The following COLGALT2 variants were observed in gnomAD, a reference collection of about 807,000 sequenced individuals.
The protein encoded by COLGALT2 is procollagen galactosyltransferase 2.
In COLGALT2, 49 loss-of-function variants were observed where a neutral mutation model predicts 73.4. The observed-to-expected ratio is 0.67, with a 90% confidence interval of 0.53 to 0.85. The LOEUF (loss-of-function observed/expected upper bound fraction) is 0.85, where lower values mean the gene tolerates loss of function less well. COLGALT2 is among the 40% of genes least tolerant of loss of function. The probability of loss-of-function intolerance (pLI) is 0.00; values close to 1 mark genes in which losing one functional copy is unlikely to be tolerated. For missense variants in COLGALT2, 722 were observed against 790.2 expected, an observed-to-expected ratio of 0.91 and a Z score of 1.03; for synonymous variants, 295 against 307.6, an observed-to-expected ratio of 0.96 and a Z score of 0.43.
chr1:184,014,641 T>C (rs1156752988), intron 1 of COLGALT2, among the ~76,000 whole-genome samples: 1 of 152,158 alleles, frequency 6.6e-6, no homozygotes, highest in Non-Finnish European at 1.5e-5. Context: ...CAACAAGTAA[T>C]AAATAAATAT....
At chr1:184,029,793 C>T (rs1047275762) in intron 1 of COLGALT2, among the ~76,000 whole-genome samples, 4 of 152,146 alleles carry the variant, frequency 2.6e-5, no homozygotes, top group Admixed American at 6.6e-5. Flanking sequence ...CTTCAGAGTA[C>T]CTGCCTGGAA....
At position 184,037,360 on chromosome 1, in the gene COLGALT2, TC is replaced by T; in HGVS notation, c.-4del. On this transcript the variant is annotated 5_prime_UTR_variant, in exon 1 of 12. Coordinates refer to ENST00000361927, the MANE Select transcript of COLGALT2 (RefSeq NM_015101.4). The stretch of plus-strand genomic sequence containing the variant: ...GTGGCAGCAGGGCGCGCAGCCATGT[TC>T]CGGGCCGAGGCGGGCGGCGGGGAAG... 1 of 1,430,448 alleles carries T rather than the reference TC, an allele frequency of 7.0e-7. No homozygotes were observed. Among genetic ancestry groups the T allele is most frequent in the Non-Finnish European group, 9.2e-7 (1 of 1,089,538 alleles). 88.6% of individuals were successfully genotyped at this position (1,430,448 alleles called of 1,614,324 possible).
At chr1:183,945,363 C>G in intron 9 of COLGALT2, 69 bp downstream of exon 9, 1 of 1,559,538 alleles carries the variant, frequency 6.4e-7, no homozygotes, top group Middle Eastern at 1.7e-4. Flanking sequence ...CTGGCCCTAA[C>G]TCACCTACGA....
intron 11 of COLGALT2, among the ~76,000 whole-genome samples, chr1:183,939,757 C>G (rs1031254783): frequency 6.6e-6 from 1 of 152,174 alleles, no homozygotes; most frequent in African/African-American, 2.4e-5. Flanking sequence ...ATGAGACCAT[C>G]TAGTGACGAG....
chr1:183,952,588 C>G (rs970260210), intron 7 of COLGALT2, among the ~76,000 whole-genome samples: 7 of 152,170 alleles, frequency 4.6e-5, no homozygotes, highest in African/African-American at 1.7e-4. Context: ...ATATGTTTCA[C>G]TGGAATTAAA....
intron 4 of COLGALT2, among the ~76,000 whole-genome samples, chr1:183,972,911 G>A (rs764494578): frequency 6.6e-6 from 1 of 152,138 alleles, no homozygotes; most frequent in Admixed American, 6.5e-5. Context: ...ATGTTAGCCA[G>A]GATGGTCTCA....
chr1:183,995,418 A>G (rs552461021), intron 1 of COLGALT2, among the ~76,000 whole-genome samples: 58 of 152,374 alleles, frequency 3.8e-4, no homozygotes, highest in African/African-American at 1.2e-3. Flanking sequence ...AGTGGAATAC[A>G]ACAAACGTGT....
chr1:183,934,495 C>A (rs75887079), downstream of COLGALT2, among the ~76,000 whole-genome samples: 4 of 152,174 alleles, frequency 2.6e-5, no homozygotes, highest in Admixed American at 6.5e-5. Context: ...ATCATGTGGG[C>A]GTGACATTTC....
At chr1:183,974,913 G>A (rs1227560798) in intron 3 of COLGALT2, among the ~76,000 whole-genome samples, 184 bp downstream of exon 3, 1 of 152,198 alleles carries the variant, frequency 6.6e-6, no homozygotes, top group Non-Finnish European at 1.5e-5. Flanking sequence ...TGGGCCTGAA[G>A]ATGAAGTCCA....
chr1:183,943,736 C>T (rs1006440434), intron 10 of COLGALT2, among the ~76,000 whole-genome samples: 1 of 152,182 alleles, frequency 6.6e-6, no homozygotes, highest in Non-Finnish European at 1.5e-5. Context: ...CCCTGGCTGA[C>T]CCTCTAACCT....
chr1:184,023,620 G>C (rs1247447719), intron 1 of COLGALT2, among the ~76,000 whole-genome samples: 1 of 127,732 alleles, frequency 7.8e-6, no homozygotes, highest in Non-Finnish European at 1.6e-5. Context: ...TGCTGTTTTT[G>C]CTTTTTCCAA....
At chr1:184,022,465 G>A (rs1169650296) in intron 1 of COLGALT2, among the ~76,000 whole-genome samples, 1 of 152,108 alleles carries the variant, frequency 6.6e-6, no homozygotes, top group Non-Finnish European at 1.5e-5. Flanking sequence ...AACAAACGAT[G>A]TTAGTACAAG....
chr1:183,998,837 T>G (rs976102289), intron 1 of COLGALT2, among the ~76,000 whole-genome samples: 1 of 152,094 alleles, frequency 6.6e-6, no homozygotes, highest in Non-Finnish European at 1.5e-5. Flanking sequence ...AATAATATTT[T>G]TAAATAAATG....
chr1:184,005,876 G>A (rs1672060266), intron 1 of COLGALT2, among the ~76,000 whole-genome samples: 2 of 152,176 alleles, frequency 1.3e-5, no homozygotes, highest in African/African-American at 4.8e-5. Context: ...GAATGTCAGA[G>A]AAAGTCAACA....
At chr1:183,989,826 A>G (rs1217936953) in intron 1 of COLGALT2, among the ~76,000 whole-genome samples, 2 of 152,194 alleles carry the variant, frequency 1.3e-5, no homozygotes, top group African/African-American at 4.8e-5. Flanking sequence ...AAAATGGGAC[A>G]ATAACATCTG....
chr1:183,989,240 A>C (rs1413109097), intron 1 of COLGALT2, among the ~76,000 whole-genome samples: 1 of 152,212 alleles, frequency 6.6e-6, no homozygotes, highest in African/African-American at 2.4e-5. Context: ...GGAAGTGAGA[A>C]GTGTCAGGTC....
chr1:183,940,699 A>C lies in COLGALT2; in HGVS notation c.1486T>G (p.Trp496Gly). 1 of 1,614,244 alleles carries C rather than the reference A, an allele frequency of 6.2e-7. No individual in the cohort carries two copies. Among genetic ancestry groups the C allele is most frequent in the Non-Finnish European group, 8.5e-7 (1 of 1,180,034 alleles). ...ANLVEADYSY[W>G]TLGYVISLEG... Reference sequence around the variant, plus strand: ...AGAGAGATGACGTAGCCCAGGGTCCAGTAGGAATAGTCGGCTTCGACCAGG... The same window carrying C: ...AGAGAGATGACGTAGCCCAGGGTCCCGTAGGAATAGTCGGCTTCGACCAGG... Residue 496 changes from tryptophan to glycine, a missense_variant, in exon 11 of 12, where the codon TGG becomes GGG. By Grantham distance (184) the Trp-to-Gly change is radical (BLOSUM62 -2). Transcript: ENST00000361927.
At position 183,936,932 on chromosome 1, in the gene COLGALT2, G is replaced by A. The variant is rs2102784107; in HGVS notation, c.*1829C>T. The A allele has an allele frequency of 8.1e-7, 1 of 1,231,794 alleles. No homozygotes were observed. Among genetic ancestry groups the A allele is most frequent in the Non-Finnish European group, 1.0e-6 (1 of 988,020 alleles). 76.3% of individuals were successfully genotyped at this position (1,231,794 alleles called of 1,614,324 possible). On this transcript the variant is annotated 3_prime_UTR_variant, in exon 12 of 12. Coordinates refer to ENST00000361927, the MANE Select transcript of COLGALT2 (RefSeq NM_015101.4). Reference sequence around the variant, plus strand: ...CAAGCTGCCTCTTGTCCTAAAGTGGGGACCCGCCCCTCACCTGGGGAGATG... The same window carrying A: ...CAAGCTGCCTCTTGTCCTAAAGTGGAGACCCGCCCCTCACCTGGGGAGATG...
At chr1:183,981,612 G>A (rs1291788181) in intron 1 of COLGALT2, among the ~76,000 whole-genome samples, 4 of 152,258 alleles carry the variant, frequency 2.6e-5, no homozygotes, top group South Asian at 2.1e-4. Context: ...AGCCGAGATC[G>A]GGCCACTGCA....
Sources: allele counts gnomAD v4.1 joint callset (sites outside exome capture counted in the v4.1 genomes callset), GRCh38; gene constraint gnomAD v4.1.1; transcripts MANE v1.5; gene names NCBI Gene and HGNC (gene_info 2026-07-23, HGNC 2026-07-21).